NKAIN3: variants seen among roughly 807,000 people sequenced by gnomAD.
NKAIN3 encodes the protein sodium/potassium-transporting ATPase subunit beta-1-interacting protein 3.
A neutral mutation model predicts 30.2 loss-of-function variants in NKAIN3; 25 were observed. That is an observed-to-expected ratio of 0.83 (90% CI 0.60 to 1.16). The LOEUF is 1.16. Ranked by LOEUF, NKAIN3 falls within the 50% of genes most tolerant of loss-of-function variation. The pLI is 0.00. For synonymous variants in NKAIN3, 91 were observed against 89.6 expected (o/e 1.02, Z -0.09); for missense variants, 225 against 254.1 (o/e 0.89, Z 0.78).
At chr8:62,803,395 A>G (rs1311067463) in intron 4 of NKAIN3, among the ~76,000 whole-genome samples, 2 of 152,212 alleles carry the variant, frequency 1.3e-5, no homozygotes, top group East Asian at 1.9e-4. Context: ...GTAAAAAAAC[A>G]GATATTATAA....
At chr8:62,327,567 A>G (rs1016105144) in intron 1 of NKAIN3, among the ~76,000 whole-genome samples, 5 of 152,038 alleles carry the variant, frequency 3.3e-5, no homozygotes, top group Non-Finnish European at 7.4e-5. Flanking sequence ...TTTTTTGAGG[A>G]CTGGCCTTTC....
chr8:62,468,173 G>T (rs1018654797), intron 1 of NKAIN3, among the ~76,000 whole-genome samples: 1 of 152,028 alleles, frequency 6.6e-6, no homozygotes. Flanking sequence ...TTATTTACTT[G>T]TTTATTTAAC....
At chr8:62,741,879 A>AT (rs1950614920) in intron 3 of NKAIN3, among the ~76,000 whole-genome samples, 1 of 152,088 alleles carries the variant, frequency 6.6e-6, no homozygotes, top group South Asian at 2.1e-4. Flanking sequence ...CAACCTTAAC[A>AT]TGCTGTCTTG....
chr8:62,928,262 C>A (rs1438332481), intron 5 of NKAIN3, among the ~76,000 whole-genome samples: 2 of 152,182 alleles, frequency 1.3e-5, no homozygotes, highest in Non-Finnish European at 2.9e-5. Context: ...TAAGTTATAA[C>A]AAACTAGTGT....
intron 6 of NKAIN3, among the ~76,000 whole-genome samples, chr8:62,958,606 G>A (rs1359133860): frequency 6.6e-6 from 1 of 152,170 alleles, no homozygotes; most frequent in African/African-American, 2.4e-5. Context: ...AACACCAGGA[G>A]AAGAGGGTTA....
intron 1 of NKAIN3, among the ~76,000 whole-genome samples, chr8:62,558,194 C>T (rs1228510198): frequency 6.6e-6 from 1 of 151,968 alleles, no homozygotes; most frequent in Non-Finnish European, 1.5e-5. Flanking sequence ...CTGTTGTTTG[C>T]TTTGTCAAAG....
chr8:62,249,260 C>G (rs1356216701), intron 1 of NKAIN3, 133 bp downstream of exon 1: 10 of 748,262 alleles, frequency 1.3e-5, no homozygotes, highest in Non-Finnish European at 2.1e-5. Context: ...GCCTCCCACC[C>G]TCCCCACCGC....
At chr8:62,580,924 A>G (rs1165357741) in intron 2 of NKAIN3, among the ~76,000 whole-genome samples, 3 of 148,022 alleles carry the variant, frequency 2.0e-5, no homozygotes, top group Non-Finnish European at 4.5e-5. Context: ...ATATATATAT[A>G]TAGAAATCCA....
chr8:62,739,957 A>G (rs1215574665), intron 3 of NKAIN3, among the ~76,000 whole-genome samples: 1 of 152,174 alleles, frequency 6.6e-6, no homozygotes, highest in African/African-American at 2.4e-5. Flanking sequence ...AGACACTCCT[A>G]ATGAAAACGT....
intron 4 of NKAIN3, among the ~76,000 whole-genome samples, chr8:62,860,327 C>A (rs1337965629): frequency 6.6e-6 from 1 of 152,200 alleles, no homozygotes; most frequent in Non-Finnish European, 1.5e-5. Flanking sequence ...TGACACTGGG[C>A]AGGGTCCACA....
chr8:62,908,637 T>C (rs1821849148), intron 4 of NKAIN3, among the ~76,000 whole-genome samples: 1 of 151,768 alleles, frequency 6.6e-6, no homozygotes, highest in Non-Finnish European at 1.5e-5. Flanking sequence ...TAAAGGGGAG[T>C]TCCCCTGCAC....
chr8:62,993,569 A>ATCTC (rs1345416791), intron 5 of NKAIN3, among the ~76,000 whole-genome samples: 1 of 151,930 alleles, frequency 6.6e-6, no homozygotes, highest in Non-Finnish European at 1.5e-5. Flanking sequence ...CACTGGAAAA[A>ATCTC]TCTCTCACAT....
At chr8:62,632,605 C>A (rs770146734) in intron 3 of NKAIN3, among the ~76,000 whole-genome samples, 1 of 152,006 alleles carries the variant, frequency 6.6e-6, no homozygotes, top group Non-Finnish European at 1.5e-5. Context: ...CAGGTTCAAG[C>A]GATTCTCCTT....
At chr8:62,880,993 C>CA (rs977552036) in intron 4 of NKAIN3, among the ~76,000 whole-genome samples, 35 of 152,306 alleles carry the variant, frequency 2.3e-4, no homozygotes, top group African/African-American at 8.4e-4. Context: ...ACTCTCTGTA[C>CA]TTTCTGCTCA....
At chr8:62,682,636 G>A (rs375791510) in intron 3 of NKAIN3, among the ~76,000 whole-genome samples, 38 of 152,302 alleles carry the variant, frequency 2.5e-4, no homozygotes, top group African/African-American at 7.9e-4. Flanking sequence ...GAGGTGGAGG[G>A]TGGGGAGTGC....
intron 4 of NKAIN3, among the ~76,000 whole-genome samples, chr8:62,750,989 T>C (rs1816262424): frequency 6.6e-6 from 1 of 152,134 alleles, no homozygotes; most frequent in Non-Finnish European, 1.5e-5. Context: ...CTGCTCCCTG[T>C]AAGATGATCA....
intron 3 of NKAIN3, among the ~76,000 whole-genome samples, chr8:62,592,382 T>A (rs991698298): frequency 2.0e-5 from 3 of 152,176 alleles, no homozygotes; most frequent in Non-Finnish European, 2.9e-5. Context: ...TACTGATAGA[T>A]GTAATCCACA....
intron 1 of NKAIN3, among the ~76,000 whole-genome samples, chr8:62,572,649 T>C (rs1034562120): frequency 3.3e-5 from 5 of 152,066 alleles, no homozygotes; most frequent in Non-Finnish European, 5.9e-5. Context: ...CTCACAATCA[T>C]GGCAGGAGGT....
chr8:62,591,854 G>T (rs921827211), intron 3 of NKAIN3, among the ~76,000 whole-genome samples: 2 of 151,936 alleles, frequency 1.3e-5, no homozygotes, highest in Non-Finnish European at 2.9e-5. Flanking sequence ...GGAAAATAAA[G>T]CAAAGTTAAG....
Sources: gnomAD v4.1 joint callset for allele counts (sites outside exome capture counted in the v4.1 genomes callset) on GRCh38, gnomAD v4.1.1 for gene constraint, MANE v1.5 for transcripts, NCBI Gene and HGNC (gene_info 2026-07-23, HGNC 2026-07-21) for gene names.